DLG2: variants seen among roughly 807,000 people sequenced by gnomAD.
The protein encoded by DLG2 is discs large MAGUK scaffold protein 2.
Under a neutral mutation model 132.5 loss-of-function variants are expected in DLG2, and 45 were observed. That is an observed-to-expected ratio of 0.34 (90% CI 0.27 to 0.44). The LOEUF (loss-of-function observed/expected upper bound fraction) is 0.44. Among genes scored for constraint, DLG2 ranks in the 20% least tolerant of loss-of-function variants. The pLI is 1.00. For missense variants in DLG2, 1,045 were observed against 1,196.9 expected (o/e 0.87, Z 1.87); for synonymous variants, 424 against 419.6 (o/e 1.01, Z -0.13).
At chr11:84,599,642 C>A (rs1367452864) in intron 6 of DLG2, among the ~76,000 whole-genome samples, 1 of 152,018 alleles carries the variant, frequency 6.6e-6, no homozygotes, top group African/African-American at 2.4e-5. Context: ...CAGCTTTTAC[C>A]AGAGCTGTGT....
At chr11:85,533,305 T>C (rs2059300098) in intron 3 of DLG2, among the ~76,000 whole-genome samples, 1 of 152,102 alleles carries the variant, frequency 6.6e-6, no homozygotes, top group African/African-American at 2.4e-5. Flanking sequence ...ATTACAGGCA[T>C]GAGCCACCAC....
intron 7 of DLG2, among the ~76,000 whole-genome samples, chr11:84,493,982 G>T (rs2099172867): frequency 6.6e-6 from 1 of 152,138 alleles, no homozygotes; most frequent in African/African-American, 2.4e-5. Context: ...ATCCATGAAT[G>T]GATTCAGTTG....
intron 6 of DLG2, among the ~76,000 whole-genome samples, chr11:84,668,570 A>G (rs1203051880): frequency 6.6e-6 from 1 of 152,166 alleles, no homozygotes; most frequent in East Asian, 1.9e-4. Context: ...TGATTCCTTC[A>G]AGCTACATCT....
At chr11:85,123,563 G>C (rs1232450344) in intron 5 of DLG2, among the ~76,000 whole-genome samples, 1 of 152,204 alleles carries the variant, frequency 6.6e-6, no homozygotes, top group African/African-American at 2.4e-5. Flanking sequence ...GGCATACAAA[G>C]AAATTGAGCA....
intron 10 of DLG2, among the ~76,000 whole-genome samples, chr11:84,096,543 G>C (rs2097167946): frequency 6.6e-6 from 1 of 152,064 alleles, no homozygotes; most frequent in African/African-American, 2.4e-5. Context: ...TTCAAGCTTA[G>C]AGCCAGAATT....
intron 18 of DLG2, among the ~76,000 whole-genome samples, chr11:83,774,277 C>T (rs2094504507): frequency 6.6e-6 from 1 of 152,202 alleles, no homozygotes; most frequent in African/African-American, 2.4e-5. Context: ...AATTATCTCT[C>T]TCTCCACATA....
At chr11:84,862,684 C>G (rs1272044070) in intron 6 of DLG2, among the ~76,000 whole-genome samples, 1 of 151,928 alleles carries the variant, frequency 6.6e-6, no homozygotes, top group South Asian at 2.1e-4. Flanking sequence ...CTGGATGAAG[C>G]TGGAAACCAT....
chr11:84,667,207 C>G (rs1344277635), intron 6 of DLG2, among the ~76,000 whole-genome samples: 1 of 152,032 alleles, frequency 6.6e-6, no homozygotes, highest in Non-Finnish European at 1.5e-5. Context: ...TCGCACCGGG[C>G]AGGTAAGTAA....
At chr11:85,496,557 A>G (rs946181699) in intron 3 of DLG2, among the ~76,000 whole-genome samples, 1 of 152,174 alleles carries the variant, frequency 6.6e-6, no homozygotes, top group Non-Finnish European at 1.5e-5. Context: ...ACAGCTCTGA[A>G]AAGACCAGTG....
chr11:83,842,827 A>G (rs1219577176), intron 16 of DLG2, among the ~76,000 whole-genome samples: 1 of 148,534 alleles, frequency 6.7e-6, no homozygotes, highest in Non-Finnish European at 1.5e-5. Flanking sequence ...AAAAAAAAAA[A>G]AAAAAAGAAG....
chr11:83,787,831 G>A (rs1335400882), intron 17 of DLG2, among the ~76,000 whole-genome samples: 1 of 152,104 alleles, frequency 6.6e-6, no homozygotes, highest in Non-Finnish European at 1.5e-5. Flanking sequence ...TTAATAAGAA[G>A]AAAATGCTAA....
In DLG2 at chr11:84,428,904, CATT is replaced by C. The variant is rs1196627852; in HGVS notation, c.519+105663_519+105665del. Among the ~76,000 whole-genome samples the C allele has an allele frequency of 4.6e-5, 7 of 152,234 alleles. No individual in the cohort carries two copies. In the East Asian group the frequency reaches 1.4e-3, roughly 29 times the overall value. Reference sequence around the variant, plus strand: ...CAGCTGGAAAATTTTAGTTTGATGTCATTGTTGGTGGCTGAAGAAGACTCTGGC... The same window carrying C: ...CAGCTGGAAAATTTTAGTTTGATGTCGTTGGTGGCTGAAGAAGACTCTGGC... On this transcript the variant is annotated intron_variant, in intron 7 of 27. Coordinates refer to ENST00000376104, the MANE Select transcript of DLG2 (RefSeq NM_001142699.3).
intron 7 of DLG2, among the ~76,000 whole-genome samples, chr11:84,509,745 A>G (rs2099251934): frequency 6.6e-6 from 1 of 152,188 alleles, no homozygotes. Context: ...TTTTTTTCAC[A>G]TCTGAAAGAG....
At chr11:84,879,971 A>G (rs2087024099) in intron 6 of DLG2, among the ~76,000 whole-genome samples, 1 of 152,132 alleles carries the variant, frequency 6.6e-6, no homozygotes, top group Non-Finnish European at 1.5e-5. Flanking sequence ...CAGCCTAGGA[A>G]AATAACCAAT....
intron 7 of DLG2, among the ~76,000 whole-genome samples, chr11:84,492,638 T>C (rs2099168309): frequency 6.6e-6 from 1 of 152,160 alleles, no homozygotes; most frequent in Non-Finnish European, 1.5e-5. Context: ...ATAATGAATG[T>C]AAAATGCGTA....
At chr11:83,771,318 C>T (rs962412014) in intron 18 of DLG2, among the ~76,000 whole-genome samples, 30 of 152,204 alleles carry the variant, frequency 2.0e-4, no homozygotes, top group African/African-American at 7.2e-4. Context: ...GGGAAAATCT[C>T]CCACAGTGAA....
chr11:85,102,210 C>T lies in DLG2; in HGVS notation c.357+9451G>A, dbSNP rs575180262. Among the ~76,000 whole-genome samples, 120 of 152,094 alleles carry T rather than the reference C, an allele frequency of 7.9e-4. 1 individual carries two copies. The South Asian group carries it at 0.023, about 29-fold the overall frequency. On this transcript the variant is annotated intron_variant, in intron 6 of 27. Coordinates refer to ENST00000376104, the MANE Select transcript of DLG2 (RefSeq NM_001142699.3). ...CAGAAACAGAGCCAAATTGGGAATC[C>T]AAAGGAGTCATTCTGGCTCCCCTAC...
At chr11:83,648,576 AC>A (rs1185671844) in intron 18 of DLG2, among the ~76,000 whole-genome samples, 1 of 152,168 alleles carries the variant, frequency 6.6e-6, no homozygotes, top group Non-Finnish European at 1.5e-5. Context: ...GGTGTCAGCA[AC>A]CCTTGGCTGA....
chr11:85,232,692 A>G (rs2075364252), intron 4 of DLG2, among the ~76,000 whole-genome samples: 1 of 151,970 alleles, frequency 6.6e-6, no homozygotes, highest in African/African-American at 2.4e-5. Context: ...GGCATCATTC[A>G]GGAAAAATTG....
Sources: gnomAD v4.1 joint callset for allele counts (sites outside exome capture counted in the v4.1 genomes callset) on GRCh38, gnomAD v4.1.1 for gene constraint, MANE v1.5 for transcripts, NCBI Gene and HGNC (gene_info 2026-07-23, HGNC 2026-07-21) for gene names.